The following PPP2CB variants were observed in gnomAD, a reference collection of about 807,000 sequenced individuals.
The protein encoded by PPP2CB is protein phosphatase 2 catalytic subunit beta.
In PPP2CB, 18 loss-of-function variants were observed where a neutral mutation model predicts 39.1. The observed-to-expected ratio is 0.46, with a 90% CI of 0.32 to 0.68. The LOEUF (loss-of-function observed/expected upper bound fraction) is 0.68, where lower values mean the gene tolerates loss of function less well. PPP2CB is among the 30% of genes least tolerant of loss of function. The pLI, the probability that PPP2CB is intolerant of heterozygous loss-of-function variation, is 0.04. For missense variants in PPP2CB, 226 were observed against 396.9 expected, an observed-to-expected ratio of 0.57 and a Z score of 3.66; for synonymous variants, 129 against 133.8, an observed-to-expected ratio of 0.96 and a Z score of 0.25.
chr8:30,790,524 T>C (rs1806413032), intron 6 of PPP2CB, among the ~76,000 whole-genome samples: 1 of 152,230 alleles, frequency 6.6e-6, no homozygotes, highest in African/African-American at 2.4e-5. Context: ...GAGGAACTTC[T>C]GTGACCTGCC....
At chr8:30,805,486 G>A (rs1327439027) in intron 1 of PPP2CB, among the ~76,000 whole-genome samples, 1 of 152,096 alleles carries the variant, frequency 6.6e-6, no homozygotes, top group Non-Finnish European at 1.5e-5. Context: ...CATGAACCCG[G>A]TAGGCGGAGC....
intron 5 of PPP2CB, among the ~76,000 whole-genome samples, chr8:30,791,817 CTAAT>C (rs546433517): frequency 8.6e-4 from 130 of 151,270 alleles, no homozygotes; most frequent in African/African-American, 1.1e-3. Flanking sequence ...TACATACATG[CTAAT>C]TAATGTATGT....
rs1298490632 is a variant in PPP2CB at position 30,812,804 on chromosome 8, C to T, written c.-383G>A. ...CGCCTACCGGCCTCTCCCGACTTGT[C>T]TTTCCCCTTCTCTCGCTCTTTCTCT... On this transcript the variant is annotated 5_prime_UTR_variant, in exon 1 of 7. Transcript: ENST00000221138. 4.3e-6 allele frequency: 2 copies of T among 461,226 alleles called. No individual in the cohort carries two copies. Among genetic ancestry groups the T allele is most frequent in the Middle Eastern group, 3.2e-4 (1 of 3,126 alleles). The allele number at this position is 461,226 out of a possible 1,614,324, so 28.6% of individuals were successfully genotyped here.
Position 30,812,640 on chromosome 8 carries a change from C to T in PPP2CB, c.-219G>A. The T allele has an allele frequency of 2.6e-6, 1 of 382,472 alleles. No individual in the cohort carries two copies. 23.7% of individuals were successfully genotyped at this position (382,472 alleles called of 1,614,324 possible). A position where few individuals can be genotyped will look rare whatever the true frequency, so the allele number is the denominator to read the frequency against. ...CCGAGCGCGCAGCCTGGAGGAGACCCCCGCCCGCCCTTCCCCGCCCGGCCG... is the reference window on the plus strand; with the variant it reads ...CCGAGCGCGCAGCCTGGAGGAGACCTCCGCCCGCCCTTCCCCGCCCGGCCG... On this transcript the variant is annotated 5_prime_UTR_variant, in exon 1 of 7. Transcript: ENST00000221138.
chr8:30,790,656 G>A (rs1411574055), intron 6 of PPP2CB, among the ~76,000 whole-genome samples: 1 of 152,226 alleles, frequency 6.6e-6, no homozygotes, highest in Admixed American at 6.5e-5. Flanking sequence ...CATGCCTGGA[G>A]CAGAGCTTCT....
chr8:30,800,490 T>G (rs1806602903), intron 1 of PPP2CB, among the ~76,000 whole-genome samples: 1 of 152,268 alleles, frequency 6.6e-6, no homozygotes, highest in South Asian at 2.1e-4. Context: ...CTTGAATTTC[T>G]TTATTCCAAT....
At position 30,812,579 on chromosome 8, in the gene PPP2CB, C is replaced by G; in HGVS notation, c.-158G>C. The stretch of plus-strand genomic sequence containing the variant: ...AGGACTGAGCCGGGTAGGGCGGCCG[C>G]GGGCCCCGCGCCCCGCCCAAGCCCA... On this transcript the variant is annotated 5_prime_UTR_variant, in exon 1 of 7. Transcript: ENST00000221138. 2.6e-6 allele frequency: 1 copy of G among 384,456 alleles called. No individual in the cohort carries two copies. The highest frequency in any genetic ancestry group is 4.4e-6 in the Non-Finnish European group (1 of 229,464). The allele number at this position is 384,456 out of a possible 1,614,324, so 23.8% of individuals were successfully genotyped here.
At chr8:30,787,477 A>C (rs1376319024) in intron 6 of PPP2CB, among the ~76,000 whole-genome samples, 1 of 152,142 alleles carries the variant, frequency 6.6e-6, no homozygotes, top group East Asian at 1.9e-4. Flanking sequence ...AGTAGCTGAG[A>C]CTATAGGCTG....
At position 30,786,278 on chromosome 8, in the gene PPP2CB, C is replaced by T; in HGVS notation, c.887G>A (p.Gly296Asp). ...GGTGCGCCGTGTAACATGAGGCTCA[C>T]CACGACGAGGCGCTGGGTCAAATTG... ...FLQFDPAPRR[G>D]EPHVTRRTPD... The change falls in exon 7 of 7, where the codon GGT (glycine) becomes GAT (aspartate). Residue 296 changes from glycine (G) to aspartate (D), a missense_variant. Transcript: ENST00000221138. 6.3e-7 allele frequency: 1 copy of T among 1,579,262 alleles called. No individual in the cohort carries two copies. Among genetic ancestry groups the T allele is most frequent in the Non-Finnish European group, 8.6e-7 (1 of 1,162,082 alleles).
At chr8:30,797,433 C>T in intron 3 of PPP2CB, 148 bp downstream of exon 3, 5 of 749,470 alleles carry the variant, frequency 6.7e-6, no homozygotes, top group Non-Finnish European at 8.0e-6. Flanking sequence ...CACTTCCCTG[C>T]TTTGAAATTT....
At position 30,799,602 on chromosome 8, in the gene PPP2CB, A is replaced by T; in HGVS notation, c.256T>A (p.Tyr86Asn). The T allele has an allele frequency of 6.2e-7, 1 of 1,614,010 alleles. No individual in the cohort carries two copies. Among genetic ancestry groups the T allele is most frequent in the Non-Finnish European group, 8.5e-7 (1 of 1,179,848 alleles). Residue 86 changes from tyrosine (Y) to asparagine (N), a missense_variant, in exon 2 of 7, where the codon TAT becomes AAT. By Grantham distance (143) the Tyr-to-Asn change is moderately radical. This residue lies in a region of PPP2CB where 110 missense variants were observed against 244.1 expected (regional missense o/e 0.45). Coordinates refer to ENST00000221138, the MANE Select transcript of PPP2CB (RefSeq NM_001009552.2). Reference sequence around the variant, plus strand: ...ACTGAATAATATCCTCTGTCTACATAGTCACCCATGAATAAGTAGTTTGTA... The same window carrying T: ...ACTGAATAATATCCTCTGTCTACATTGTCACCCATGAATAAGTAGTTTGTA... ...PDTNYLFMGDYVDRGYYSVET... is the reference protein window; with the variant it reads ...PDTNYLFMGDNVDRGYYSVET...
chr8:30,809,236 C>A (rs1237110423), intron 1 of PPP2CB, among the ~76,000 whole-genome samples: 1 of 151,970 alleles, frequency 6.6e-6, no homozygotes, highest in Non-Finnish European at 1.5e-5. Context: ...TCTTAGCACT[C>A]ACAACCAACC....
At chr8:30,791,341 T>C in intron 5 of PPP2CB, 26 bp from the exon 6 acceptor site, 1 of 1,468,704 alleles carries the variant, frequency 6.8e-7, no homozygotes, top group Non-Finnish European at 9.4e-7. Flanking sequence ...AAATTCATTA[T>C]TTCATTATAA....
intron 1 of PPP2CB, among the ~76,000 whole-genome samples, chr8:30,805,839 G>A (rs576893219): frequency 3.8e-4 from 58 of 152,192 alleles, no homozygotes; most frequent in Admixed American, 1.1e-3. Flanking sequence ...AGGAATCTCA[G>A]GTTGCACCTC....
intron 1 of PPP2CB, among the ~76,000 whole-genome samples, chr8:30,801,620 T>C (rs1259914902): frequency 6.6e-6 from 1 of 152,122 alleles, no homozygotes; most frequent in Non-Finnish European, 1.5e-5. Flanking sequence ...AGCACAATTT[T>C]AGGGACAGAC....
intron 6 of PPP2CB, among the ~76,000 whole-genome samples, chr8:30,789,581 G>T (rs1806397878): frequency 6.6e-6 from 1 of 152,164 alleles, no homozygotes; most frequent in Non-Finnish European, 1.5e-5. Flanking sequence ...GTCCAGAGAG[G>T]GTATAACCTT....
intron 6 of PPP2CB, among the ~76,000 whole-genome samples, chr8:30,787,950 T>G (rs1259673164): frequency 6.6e-6 from 1 of 152,230 alleles, no homozygotes; most frequent in African/African-American, 2.4e-5. Flanking sequence ...ATTAGTACGT[T>G]TTATCAAAGT....
intron 1 of PPP2CB, among the ~76,000 whole-genome samples, chr8:30,806,360 A>AT (rs1586127862): frequency 6.6e-6 from 1 of 152,022 alleles, no homozygotes; most frequent in East Asian, 1.9e-4. Context: ...GGCCGTTAAT[A>AT]TGATTATTAA....
intron 3 of PPP2CB, 37 bp from the exon 4 acceptor site, chr8:30,794,318 T>A: frequency 6.6e-7 from 1 of 1,515,756 alleles, no homozygotes; most frequent in Non-Finnish European, 9.1e-7. Context: ...GTATTTGTTT[T>A]ACTAACTCCA....
Sources: gnomAD v4.1 joint callset for allele counts (sites outside exome capture counted in the v4.1 genomes callset) on GRCh38, gnomAD v4.1.1 for gene constraint, gnomAD v4.1.1 regional missense constraint, MANE v1.5 for transcripts, NCBI Gene and HGNC (gene_info 2026-07-23, HGNC 2026-07-21) for gene names.